The following PIK3R3 variants were observed in gnomAD, a reference collection of about 807,000 sequenced individuals.
PIK3R3 encodes phosphatidylinositol 3-kinase regulatory subunit gamma.
Under a neutral mutation model 62.9 loss-of-function variants are expected in PIK3R3, and 64 were observed. The observed-to-expected ratio is 1.02, with a 90% CI of 0.83 to 1.25. The LOEUF is 1.25. Ranked by LOEUF, PIK3R3 falls within the 50% of genes most tolerant of loss-of-function variation. The pLI is 0.00. For synonymous variants in PIK3R3, 165 were observed against 189.0 expected (o/e 0.87, Z 1.04); for missense variants, 614 against 561.6 (o/e 1.09, Z -0.94).
chr1:46,124,070 A>G (rs1279088491), intron 1 of PIK3R3, among the ~76,000 whole-genome samples: 2 of 152,212 alleles, frequency 1.3e-5, no homozygotes, highest in Non-Finnish European at 2.9e-5. Flanking sequence ...AATGGGGCAA[A>G]ATAGCTCAAA....
At chr1:46,112,756 G>A (rs1043259295) in intron 1 of PIK3R3, among the ~76,000 whole-genome samples, 1 of 152,096 alleles carries the variant, frequency 6.6e-6, no homozygotes, top group Non-Finnish European at 1.5e-5. Flanking sequence ...AGTAGCAGAA[G>A]CCACTCTCCT....
At chr1:46,131,824 C>CT (rs751868703) in intron 1 of PIK3R3, 23 bp downstream of exon 1, 36,357 of 1,090,860 alleles carry the variant, frequency 0.033, no homozygotes, top group Non-Finnish European at 0.038. Context: ...TCACGAGATT[C>CT]TTTTTTTTTT....
chr1:46,056,186 G>A (rs1647895609), intron 6 of PIK3R3: 1 of 358,092 alleles, frequency 2.8e-6, no homozygotes, highest in East Asian at 5.8e-5. Context: ...CAGTAGCTGG[G>A]ATTACAGGCG....
At chr1:46,077,886 C>T (rs891417928) in intron 2 of PIK3R3, among the ~76,000 whole-genome samples, 1 of 152,140 alleles carries the variant, frequency 6.6e-6, no homozygotes, top group Non-Finnish European at 1.5e-5. Flanking sequence ...ATACTGTTTC[C>T]ATCAAGCCTT....
rs773957217 is a variant in PIK3R3 at position 46,080,679 on chromosome 1, G to A, written c.178C>T (p.Leu60Phe). The change falls in exon 2 of 10, where the codon CTT (leucine) becomes TTT (phenylalanine). Residue 60 changes from leucine to phenylalanine, a missense_variant. By Grantham distance (22) the Leu-to-Phe change is conservative (BLOSUM62 0). Coordinates refer to ENST00000262741, the MANE Select transcript of PIK3R3 (RefSeq NM_003629.4). ...CCCCAGTACCATTCTGCATCCTGAA[G>A]AGAAACAGAACTGTCCTTCATTCCA... ...PNGMKDSSVS[L>F]QDAEWYWGDI... is the part of the protein sequence containing the mutation. The A allele has an allele frequency of 1.9e-6, 3 of 1,613,008 alleles. No homozygotes were observed. The highest frequency in any genetic ancestry group is 1.1e-5 in the South Asian group (1 of 91,048).
chr1:46,138,636 G>A, the PIK3R3 span, among the ~76,000 whole-genome samples: 1 of 152,244 alleles, frequency 6.6e-6, no homozygotes, highest in Non-Finnish European at 1.5e-5. Context: ...CCCAGCCTGG[G>A]CACAGAGTGA....
At chr1:46,071,809 C>G (rs892751684) in intron 3 of PIK3R3, among the ~76,000 whole-genome samples, 1 of 148,576 alleles carries the variant, frequency 6.7e-6, no homozygotes, top group Non-Finnish European at 1.5e-5. Flanking sequence ...GTGGTTCTCC[C>G]CACCTACCTA....
At chr1:46,067,847 G>C (rs1053332223) in intron 3 of PIK3R3, among the ~76,000 whole-genome samples, 1 of 152,172 alleles carries the variant, frequency 6.6e-6, no homozygotes, top group Non-Finnish European at 1.5e-5. Context: ...TGTTTACTGA[G>C]TCATATCTAA....
intron 1 of PIK3R3, among the ~76,000 whole-genome samples, chr1:46,092,167 A>AT (rs1450601530): frequency 1.3e-5 from 2 of 152,198 alleles, no homozygotes; most frequent in Non-Finnish European, 2.9e-5. Context: ...ATTTTGAAGT[A>AT]TTTTTTAATC....
chr1:46,112,975 A>T (rs1653866867), intron 1 of PIK3R3, among the ~76,000 whole-genome samples: 2 of 152,198 alleles, frequency 1.3e-5, no homozygotes, highest in South Asian at 4.1e-4. Context: ...TCCTCAGAAT[A>T]GCCTCGAAGC....
At chr1:46,091,352 G>T (rs767111095) in intron 1 of PIK3R3, among the ~76,000 whole-genome samples, 1 of 152,028 alleles carries the variant, frequency 6.6e-6, no homozygotes, top group East Asian at 1.9e-4. Flanking sequence ...TGTTGGCCAG[G>T]CTGGTCTTGA....
At position 46,062,056 on chromosome 1, in the gene PIK3R3, T is replaced by C; in HGVS notation, c.637A>G (p.Arg213Gly). Residue 213 changes from arginine (R) to glycine (G), a missense_variant, in exon 6 of 10, where the codon AGG (arginine) becomes GGG (glycine). Arg to Gly is a moderately radical substitution (Grantham distance 125). Transcript: ENST00000262741. ...TRTSQEIQMK[R>G]TAIEAFNETI... ...TCATTAAAAGCTTCTATTGCAGTCCTCTTCATCTGTATTTCCTACAGGAGA... is the reference window on the plus strand; with the variant it reads ...TCATTAAAAGCTTCTATTGCAGTCCCCTTCATCTGTATTTCCTACAGGAGA... 1 of 1,608,686 alleles carries C rather than the reference T, an allele frequency of 6.2e-7. No individual in the cohort carries two copies. Among genetic ancestry groups the C allele is most frequent in the East Asian group, 2.2e-5 (1 of 44,842 alleles).
At chr1:46,137,813 A>C (rs761919740), upstream of PIK3R3, among the ~76,000 whole-genome samples, 5 of 152,248 alleles carry the variant, frequency 3.3e-5, no homozygotes, top group Admixed American at 6.5e-5. Flanking sequence ...AATAAGCAAA[A>C]GTGCAAGTAA....
Position 46,053,564 on chromosome 1 carries a change from CT to C in PIK3R3, c.941+2230del, listed in dbSNP as rs374593716. Among the ~76,000 whole-genome samples, 18 of 152,176 alleles carry C rather than the reference CT, an allele frequency of 1.2e-4. No individual in the cohort carries two copies. The East Asian group carries it at 3.1e-3, about 26-fold the overall frequency. The stretch of plus-strand genomic sequence containing the variant: ...ATAAAAGAGGCCTGATAGAGACCCC[CT>C]AGCTCCTTCTACCAGGACATAGGTA... On this transcript the variant is annotated intron_variant, in intron 7 of 9. Transcript: ENST00000262741.
intron 1 of PIK3R3, among the ~76,000 whole-genome samples, chr1:46,129,410 T>TTAG (rs1557640289): frequency 8.1e-6 from 1 of 122,964 alleles, no homozygotes; most frequent in African/African-American, 2.8e-5. Flanking sequence ...ATTTTATTTA[T>TTAG]TTATTTATTT....
chr1:46,105,127 C>A, intron 1 of PIK3R3: 4 of 709,428 alleles, frequency 5.6e-6, no homozygotes, highest in Non-Finnish European at 1.0e-5. Flanking sequence ...TAGAATGGAA[C>A]CTGTCCCCTG....
chr1:46,114,066 AG>A (rs1372586140), intron 1 of PIK3R3, among the ~76,000 whole-genome samples: 5 of 152,350 alleles, frequency 3.3e-5, no homozygotes. Flanking sequence ...TCATATCCCT[AG>A]CCAGGACAGT....
At position 46,046,009 on chromosome 1, in the gene PIK3R3, C is replaced by T. The variant is rs759600356; in HGVS notation, c.1096G>A (p.Val366Ile). 1.2e-6 allele frequency: 2 copies of T among 1,611,262 alleles called. No individual in the cohort carries two copies. The highest frequency in any genetic ancestry group is 3.3e-5 in the Admixed American group (2 of 59,998). The change falls in exon 9 of 10, where the codon GTA becomes ATA. Residue 366 changes from valine to isoleucine, a missense_variant. By Grantham distance (29) the Val-to-Ile change is conservative. Transcript: ENST00000262741. Reference protein sequence around the residue: ...KTWFVEDINRVQAEDLLYGKP... With the variant: ...KTWFVEDINRIQAEDLLYGKP... ...CCATAAAGCAAGTCCTCTGCTTGTACTCGATTGATATCCTCAACAAACCAG... is the reference window on the plus strand; with the variant it reads ...CCATAAAGCAAGTCCTCTGCTTGTATTCGATTGATATCCTCAACAAACCAG...
chr1:46,161,875 G>A, the PIK3R3 span, among the ~76,000 whole-genome samples: 9 of 150,918 alleles, frequency 6.0e-5, no homozygotes, highest in Admixed American at 1.3e-4. Flanking sequence ...GGCGGATCAC[G>A]AGGTCAGGAG....
Sources: gnomAD v4.1 joint callset for allele counts (sites outside exome capture counted in the v4.1 genomes callset) on GRCh38, gnomAD v4.1.1 for gene constraint, MANE v1.5 for transcripts, NCBI Gene and HGNC (gene_info 2026-07-23, HGNC 2026-07-21) for gene names.